The following IL1RAPL2 variants were observed in gnomAD, a reference collection of about 807,000 sequenced individuals.
IL1RAPL2 encodes the protein interleukin 1 receptor accessory protein like 2.
IL1RAPL2 carries 3 observed loss-of-function variants against 44.1 expected under a neutral mutation model. That is an observed-to-expected ratio of 0.07 (90% CI 0.03 to 0.18). The LOEUF (loss-of-function observed/expected upper bound fraction) is 0.18. Ranked by LOEUF, IL1RAPL2 falls within the 10% of genes least tolerant of loss-of-function variation. The pLI is 1.00. For missense variants in IL1RAPL2, 391 were observed against 496.4 expected, an observed-to-expected ratio of 0.79 and a Z score of 2.02; for synonymous variants, 181 against 178.8, an observed-to-expected ratio of 1.01 and a Z score of -0.10.
intron 2 of IL1RAPL2, among the ~76,000 whole-genome samples, chrX:104,841,977 GC>G (rs1921914343): frequency 9.0e-6 from 1 of 110,662 alleles, no homozygotes; most frequent in Non-Finnish European, 1.9e-5. Context: ...ATATCCTGAA[GC>G]ATGTTTTCCA....
At chrX:105,447,473 A>T (rs1331910540) in intron 5 of IL1RAPL2, among the ~76,000 whole-genome samples, 1 of 75,354 alleles carries the variant, frequency 1.3e-5, no homozygotes, top group East Asian at 4.6e-4. Flanking sequence ...ATATAAATAT[A>T]AATAAATATA....
At chrX:105,699,688 C>G (rs1474235089) in intron 6 of IL1RAPL2, among the ~76,000 whole-genome samples, 1 of 111,525 alleles carries the variant, frequency 9.0e-6, no homozygotes, top group Non-Finnish European at 1.9e-5. Flanking sequence ...TCCCTGTGAC[C>G]TTCTCAAGAG....
At chrX:105,443,421 G>A (rs1228523432) in intron 5 of IL1RAPL2, among the ~76,000 whole-genome samples, 2 of 110,912 alleles carry the variant, frequency 1.8e-5, no homozygotes, top group African/African-American at 6.6e-5. Context: ...TTTCTGTGTT[G>A]TGCTATCAAA....
Position 105,034,452 on chromosome X carries a change from C to T in IL1RAPL2, c.83-161023C>T, listed in dbSNP as rs1874690108. 7.1e-5 allele frequency among the ~76,000 whole-genome samples: 8 copies of T among 112,376 alleles called. 1 individual carries two copies. In the Admixed American group the frequency reaches 7.5e-4, roughly 11 times the overall value. Reference sequence around the variant, plus strand: ...AGTTTTCCTTCTTACAGACAGGACCCTCAGCTGCAGGTCTGTTGGAGTTTG... The same window carrying T: ...AGTTTTCCTTCTTACAGACAGGACCTTCAGCTGCAGGTCTGTTGGAGTTTG... On this transcript the variant is annotated intron_variant, in intron 2 of 10. Transcript: ENST00000372582.
intron 5 of IL1RAPL2, among the ~76,000 whole-genome samples, chrX:105,374,435 G>A (rs2035369929): frequency 1.8e-5 from 2 of 111,293 alleles, no homozygotes; most frequent in Admixed American, 1.9e-4. Context: ...TGGGCAGGAT[G>A]GCCATTTTAA....
rs748368209 is a variant in IL1RAPL2, at chrX:105,738,206, TTG to T, written c.903-2336_903-2335del. 2.7e-3 allele frequency among the ~76,000 whole-genome samples: 299 copies of T among 112,371 alleles called. 1 individual carries two copies. Among genetic ancestry groups the T allele is most frequent in the Admixed American group, 5.0e-3 (53 of 10,626 alleles). ...AATCTACCTTCAGATAATGAAATGT[TTG>T]TGTTTAATAACATACCTTTACATAT... On this transcript the variant is annotated intron_variant, in intron 7 of 10. Transcript: ENST00000372582.
chrX:105,084,639 G>A (rs919051609), intron 2 of IL1RAPL2, among the ~76,000 whole-genome samples: 1 of 112,409 alleles, frequency 8.9e-6, no homozygotes, highest in South Asian at 3.7e-4. Context: ...ATAGGCAGAG[G>A]GGACTAGTGT....
chrX:104,894,552 A>G (rs746316329), intron 2 of IL1RAPL2, among the ~76,000 whole-genome samples: 4 of 111,354 alleles, frequency 3.6e-5, no homozygotes, highest in South Asian at 3.8e-4. Context: ...TCCATCACTG[A>G]TATCTTTTCT....
intron 7 of IL1RAPL2, among the ~76,000 whole-genome samples, chrX:105,720,369 G>T (rs1156859276): frequency 2.0e-5 from 1 of 48,981 alleles, no homozygotes; most frequent in Non-Finnish European, 3.8e-5. Flanking sequence ...CCTCCCTCCC[G>T]CCCTTCTCCA....
At chrX:104,709,479 T>G (rs1320516637) in intron 2 of IL1RAPL2, among the ~76,000 whole-genome samples, 1 of 110,528 alleles carries the variant, frequency 9.0e-6, no homozygotes, top group East Asian at 2.9e-4. Context: ...CTCCTGTCCC[T>G]TTTTCTGTCA....
intron 2 of IL1RAPL2, among the ~76,000 whole-genome samples, chrX:104,788,923 A>T (rs924014426): frequency 8.9e-6 from 1 of 111,815 alleles, no homozygotes; most frequent in East Asian, 2.8e-4. Context: ...AATGCCTCTG[A>T]GTTCTAATCC....
intron 4 of IL1RAPL2, among the ~76,000 whole-genome samples, chrX:105,262,765 G>A (rs1420949694): frequency 1.8e-5 from 2 of 111,820 alleles, no homozygotes; most frequent in Non-Finnish European, 3.8e-5. Flanking sequence ...CTTGTAGTTG[G>A]TTATCCTAGG....
intron 2 of IL1RAPL2, among the ~76,000 whole-genome samples, chrX:105,068,140 T>C (rs2032161826): frequency 9.0e-6 from 1 of 111,604 alleles, no homozygotes. Context: ...TTTTATAAAT[T>C]AAGAAAAACC....
Position 105,628,058 on chromosome X carries a change from G to A in IL1RAPL2, c.773-89309G>A, listed in dbSNP as rs1602494490. ...GTGGGATGAGGTGGGGATGGGAGGAGTATTCTCCAGGTGCTAAGTGTGCCT... is the reference window on the plus strand; with the variant it reads ...GTGGGATGAGGTGGGGATGGGAGGAATATTCTCCAGGTGCTAAGTGTGCCT... On this transcript the variant is annotated intron_variant, in intron 6 of 10. Transcript: ENST00000372582. Among the ~76,000 whole-genome samples, 3 of 111,857 alleles carry A rather than the reference G, an allele frequency of 2.7e-5. No individual in the cohort carries two copies. In the Admixed American group the frequency reaches 2.9e-4, roughly 11 times the overall value.
chrX:105,011,841 G>A (rs766767185), intron 2 of IL1RAPL2, among the ~76,000 whole-genome samples: 4 of 110,112 alleles, frequency 3.6e-5, no homozygotes, highest in Non-Finnish European at 5.7e-5. Flanking sequence ...AATTGTGATG[G>A]TATTAATATT....
At chrX:105,645,776 T>A (rs1001216934) in intron 6 of IL1RAPL2, among the ~76,000 whole-genome samples, 2 of 111,784 alleles carry the variant, frequency 1.8e-5, no homozygotes, top group African/African-American at 6.6e-5. Context: ...GTAGCTAATA[T>A]TATGGTTGGC....
At chrX:105,027,800 C>A (rs1173362929) in intron 2 of IL1RAPL2, among the ~76,000 whole-genome samples, 1 of 111,219 alleles carries the variant, frequency 9.0e-6, no homozygotes, top group East Asian at 2.8e-4. Flanking sequence ...ATTGAGCTAC[C>A]ATATGATCCA....
chrX:104,734,440 C>G (rs748843073), intron 2 of IL1RAPL2, among the ~76,000 whole-genome samples: 9 of 112,650 alleles, frequency 8.0e-5, no homozygotes, highest in Non-Finnish European at 1.5e-4. Flanking sequence ...TGTGGTGTAT[C>G]TACATAGTGG....
intron 2 of IL1RAPL2, among the ~76,000 whole-genome samples, chrX:104,736,020 C>T (rs1220647556): frequency 9.0e-6 from 1 of 111,009 alleles, no homozygotes; most frequent in Non-Finnish European, 1.9e-5. Context: ...CTGTCTCCTT[C>T]ATTATTCTAG....
Sources: gnomAD v4.1 joint callset for allele counts (sites outside exome capture counted in the v4.1 genomes callset) on GRCh38, gnomAD v4.1.1 for gene constraint, MANE v1.5 for transcripts, NCBI Gene and HGNC (gene_info 2026-07-23, HGNC 2026-07-21) for gene names.